The following SWAP70 variants were observed in gnomAD, a reference collection of about 807,000 sequenced individuals.
SWAP70 encodes the protein switching B cell complex subunit SWAP70.
SWAP70 carries 34 observed loss-of-function variants against 80.2 expected under a neutral mutation model. The observed-to-expected ratio is 0.42, with a 90% CI of 0.32 to 0.56. The LOEUF is 0.56. Ranked by LOEUF, SWAP70 falls within the 20% of genes least tolerant of loss-of-function variation. SWAP70 has a pLI of 0.09. For missense variants in SWAP70, 578 were observed against 690.7 expected (o/e 0.84, Z 1.83); for synonymous variants, 239 against 238.5 (o/e 1.00, Z -0.02).
Position 9,714,276 on chromosome 11 carries a change from T to A in SWAP70, c.414+637T>A, listed in dbSNP as rs562962115. ...AAAATCAGCTGTAGTCCCCACACTT[T>A]AAAAAAAAGTCATCTATAATCCCTT... is the stretch of plus-strand genomic sequence containing the variant. On this transcript the variant is annotated intron_variant, in intron 3 of 11. Coordinates refer to ENST00000318950, the MANE Select transcript of SWAP70 (RefSeq NM_015055.4). 1.3e-3 allele frequency among the ~76,000 whole-genome samples: 197 copies of A among 152,012 alleles called. 1 individual carries two copies. The highest frequency in any genetic ancestry group is 1.6e-3 in the Non-Finnish European group (108 of 67,948).
At chr11:9,671,474 A>G (rs1850385744) in intron 1 of SWAP70, among the ~76,000 whole-genome samples, 1 of 105,484 alleles carries the variant, frequency 9.5e-6, no homozygotes, top group Non-Finnish European at 1.7e-5. Flanking sequence ...ATAAATATAT[A>G]AAAGTATATT....
At chr11:9,731,346 G>C (rs1198017730) in intron 6 of SWAP70, among the ~76,000 whole-genome samples, 1 of 152,082 alleles carries the variant, frequency 6.6e-6, no homozygotes, top group Non-Finnish European at 1.5e-5. Flanking sequence ...CTCTTTCCTG[G>C]GTCTCTTGGG....
chr11:9,724,973 C>CACTT, intron 4 of SWAP70, 88 bp downstream of exon 4: 1 of 954,048 alleles, frequency 1.0e-6, no homozygotes, highest in Admixed American at 2.6e-5. Flanking sequence ...GAGTATAAGT[C>CACTT]ACTTATTTTC....
intron 9 of SWAP70, among the ~76,000 whole-genome samples, chr11:9,744,173 G>A (rs1352075619): frequency 6.6e-6 from 1 of 151,280 alleles, no homozygotes; most frequent in Non-Finnish European, 1.5e-5. Context: ...CGTGTTAGCC[G>A]GGATGGTCTT....
At chr11:9,672,224 T>TATATGA (rs1850426581) in intron 1 of SWAP70, among the ~76,000 whole-genome samples, 1 of 136,308 alleles carries the variant, frequency 7.3e-6, no homozygotes, top group Non-Finnish European at 1.6e-5. Context: ...TATATATATA[T>TATATGA]ATATGATTGT....
chr11:9,687,543 T>G (rs555837374), intron 1 of SWAP70, among the ~76,000 whole-genome samples: 16 of 152,260 alleles, frequency 1.1e-4, no homozygotes, highest in African/African-American at 3.4e-4. Flanking sequence ...TTTACCAGTA[T>G]TTTCTGTTTA....
At chr11:9,672,226 T>TATATATATATGA (rs1419466621) in intron 1 of SWAP70, among the ~76,000 whole-genome samples, 1 of 137,506 alleles carries the variant, frequency 7.3e-6, no homozygotes, top group Non-Finnish European at 1.6e-5. Flanking sequence ...TATATATATA[T>TATATATATATGA]ATGATTGTAA....
chr11:9,671,427 TATATAA>T (rs1455458564), intron 1 of SWAP70, among the ~76,000 whole-genome samples: 2 of 99,816 alleles, frequency 2.0e-5, no homozygotes, highest in Non-Finnish European at 3.6e-5. Context: ...TATAAATATA[TATATAA>T]ATATATAAAA....
At chr11:9,688,287 C>T (rs1850656380) in intron 1 of SWAP70, among the ~76,000 whole-genome samples, 2 of 152,168 alleles carry the variant, frequency 1.3e-5, no homozygotes, top group South Asian at 2.1e-4. Context: ...CAGAAATGTA[C>T]AGTCTTACAG....
chr11:9,676,203 G>C (rs1039076071), intron 1 of SWAP70, among the ~76,000 whole-genome samples: 2 of 152,198 alleles, frequency 1.3e-5, no homozygotes, highest in Non-Finnish European at 2.9e-5. Flanking sequence ...TGCAATTTTA[G>C]TATATTCTGT....
intron 6 of SWAP70, among the ~76,000 whole-genome samples, 175 bp downstream of exon 6, chr11:9,729,626 G>A (rs1438925346): frequency 6.6e-6 from 1 of 152,080 alleles, no homozygotes; most frequent in East Asian, 1.9e-4. Flanking sequence ...AGCCTCCAGA[G>A]TAGCTGGGAC....
chr11:9,724,476 C>T (rs952933506), intron 3 of SWAP70, among the ~76,000 whole-genome samples, 182 bp from the exon 4 acceptor site: 7 of 152,320 alleles, frequency 4.6e-5, no homozygotes, highest in African/African-American at 1.4e-4. Flanking sequence ...TGCACTAATA[C>T]AGACCAGTGG....
rs921055325 is a variant in SWAP70, at chr11:9,664,105, G to T, written c.-75G>T. The T allele has an allele frequency of 1.1e-5, 15 of 1,390,948 alleles. No individual in the cohort carries two copies. The African/African-American group carries it at 1.5e-4, about 14-fold the overall frequency. The allele number at this position is 1,390,948 out of a possible 1,614,324, so 86.2% of individuals were successfully genotyped here. A position where few individuals can be genotyped will look rare whatever the true frequency, so the allele number is the denominator to read the frequency against. The stretch of plus-strand genomic sequence containing the variant: ...TGACTGCGCGGCGGGCTGTGGCTGC[G>T]GAGGTTGAGGGGCGTCCGAGGCGCG... On this transcript the variant is annotated 5_prime_UTR_variant, in exon 1 of 12. Coordinates refer to ENST00000318950, the MANE Select transcript of SWAP70 (RefSeq NM_015055.4).
chr11:9,703,577 T>C, intron 2 of SWAP70: 1 of 435,984 alleles, frequency 2.3e-6, no homozygotes, highest in Middle Eastern at 3.9e-4. Flanking sequence ...CCAGCTCTCC[T>C]ATAATGTGTT....
chr11:9,728,013 T>A, intron 4 of SWAP70, 40 bp from the exon 5 acceptor site: 1 of 1,542,956 alleles, frequency 6.5e-7, no homozygotes. Flanking sequence ...CTCTTACAAA[T>A]AAAAAGACAA....
At chr11:9,670,336 T>C (rs1442090763) in intron 1 of SWAP70, among the ~76,000 whole-genome samples, 1 of 152,200 alleles carries the variant, frequency 6.6e-6, no homozygotes, top group African/African-American at 2.4e-5. Flanking sequence ...GTGGTTTTGA[T>C]TTTTTTAAAT....
chr11:9,689,267 A>T (rs1850667503), intron 1 of SWAP70, among the ~76,000 whole-genome samples: 1 of 152,224 alleles, frequency 6.6e-6, no homozygotes. Flanking sequence ...TTTCATTTTC[A>T]TGATGGCTGG....
chr11:9,731,204 T>C (rs971357122), intron 6 of SWAP70, among the ~76,000 whole-genome samples: 1 of 152,184 alleles, frequency 6.6e-6, no homozygotes, highest in African/African-American at 2.4e-5. Flanking sequence ...CAAGAGGGCT[T>C]TTTAAAAAAA....
chr11:9,669,961 C>G (rs1318626069), intron 1 of SWAP70, among the ~76,000 whole-genome samples: 1 of 152,076 alleles, frequency 6.6e-6, no homozygotes, highest in Non-Finnish European at 1.5e-5. Flanking sequence ...AACCCTGTCT[C>G]TACTAAAAAT....
Sources: gnomAD v4.1 joint callset for allele counts (sites outside exome capture counted in the v4.1 genomes callset) on GRCh38, gnomAD v4.1.1 for gene constraint, MANE v1.5 for transcripts, NCBI Gene and HGNC (gene_info 2026-07-23, HGNC 2026-07-21) for gene names.